Variants in KCTD16 observed in about 807,000 individuals in gnomAD.
KCTD16 encodes the protein BTB/POZ domain-containing protein KCTD16.
KCTD16 carries 13 observed loss-of-function variants against 33.2 expected under a neutral mutation model. That is an observed-to-expected ratio of 0.39 (90% CI 0.25 to 0.62). The LOEUF (loss-of-function observed/expected upper bound fraction) is 0.62. KCTD16 is among the 20% of genes least tolerant of loss of function. The pLI is 0.50. For missense variants in KCTD16, 441 were observed against 525.1 expected (o/e 0.84, Z 1.57); for synonymous variants, 197 against 195.3 (o/e 1.01, Z -0.07).
At chr5:144,275,881 T>TA (rs1437112624) in intron 3 of KCTD16, among the ~76,000 whole-genome samples, 2 of 152,302 alleles carry the variant, frequency 1.3e-5, no homozygotes, top group African/African-American at 2.4e-5. Flanking sequence ...CCCAGATTAA[T>TA]ATTCTTACAA....
intron 2 of KCTD16, among the ~76,000 whole-genome samples, chr5:144,180,984 G>C (rs1752611136): frequency 6.6e-6 from 1 of 151,220 alleles, no homozygotes; most frequent in Admixed American, 6.6e-5. Flanking sequence ...CCAGGCTGGA[G>C]TGCAGTGGCG....
chr5:144,426,347 A>G (rs1753328941), intron 3 of KCTD16, among the ~76,000 whole-genome samples: 1 of 152,072 alleles, frequency 6.6e-6, no homozygotes, highest in Non-Finnish European at 1.5e-5. Flanking sequence ...TCTGATCACG[A>G]CTACTTAAGT....
intron 2 of KCTD16, among the ~76,000 whole-genome samples, chr5:144,195,307 T>C (rs1403048126): frequency 6.6e-6 from 1 of 152,236 alleles, no homozygotes; most frequent in African/African-American, 2.4e-5. Context: ...AAGGCTTATG[T>C]TGTCCTTCAA....
At chr5:144,304,296 A>G (rs1319872737) in intron 3 of KCTD16, among the ~76,000 whole-genome samples, 2 of 152,206 alleles carry the variant, frequency 1.3e-5, no homozygotes, top group Admixed American at 1.3e-4. Context: ...GAAGTGCAGC[A>G]TGAAGCACAT....
intron 3 of KCTD16, among the ~76,000 whole-genome samples, chr5:144,314,658 T>C (rs1381416301): frequency 6.6e-6 from 1 of 152,186 alleles, no homozygotes; most frequent in Non-Finnish European, 1.5e-5. Context: ...AATCCAGCTA[T>C]GTTCTTCTCT....
chr5:144,204,780 T>G (rs1245568932), intron 2 of KCTD16, among the ~76,000 whole-genome samples: 2 of 152,184 alleles, frequency 1.3e-5, no homozygotes, highest in East Asian at 3.9e-4. Flanking sequence ...TACATATATA[T>G]TCATATTTAT....
chr5:144,254,747 A>G (rs762019805), intron 3 of KCTD16, among the ~76,000 whole-genome samples: 4 of 152,016 alleles, frequency 2.6e-5, no homozygotes, highest in Non-Finnish European at 5.9e-5. Context: ...CATACCTCAT[A>G]TAAGTGGAAG....
intron 3 of KCTD16, among the ~76,000 whole-genome samples, chr5:144,460,738 C>G (rs539142633): frequency 1.3e-5 from 2 of 152,286 alleles, no homozygotes; most frequent in East Asian, 3.9e-4. Flanking sequence ...TGCACCAGGC[C>G]CATCTTTCTT....
intron 3 of KCTD16, among the ~76,000 whole-genome samples, chr5:144,299,912 A>C (rs534901649): frequency 4.1e-5 from 6 of 147,572 alleles, no homozygotes; most frequent in East Asian, 1.9e-4. Flanking sequence ...AAAAAAAAAA[A>C]AAACAAAAAA....
chr5:144,184,510 T>A (rs1294875395), intron 2 of KCTD16, among the ~76,000 whole-genome samples: 1 of 152,172 alleles, frequency 6.6e-6, no homozygotes, highest in Non-Finnish European at 1.5e-5. Flanking sequence ...TGATTTCAAT[T>A]CTTTTGGATA....
At position 144,174,359 on chromosome 5, in the gene KCTD16, TTTTCTCCTACCG is replaced by T. The variant is rs1752458094; in HGVS notation, c.-438_-427del. The T allele has an allele frequency of 6.6e-6, 1 of 152,180 alleles. No individual in the cohort carries two copies. Among genetic ancestry groups the T allele is most frequent in the Non-Finnish European group, 1.5e-5 (1 of 68,032 alleles). The allele number at this position is 152,180 out of a possible 1,614,324, so 9.4% of individuals were successfully genotyped here. Reference sequence around the variant, plus strand: ...AAAATTATGGTTTGAACATGGGCAGTTTTCTCCTACCGTCAGCTATATCCACAAGCATCACAT... The same window carrying T: ...AAAATTATGGTTTGAACATGGGCAGTTCAGCTATATCCACAAGCATCACAT... On this transcript the variant is annotated 5_prime_UTR_variant, in exon 2 of 4. Transcript: ENST00000512467.
intron 3 of KCTD16, among the ~76,000 whole-genome samples, chr5:144,429,564 T>C (rs1000612453): frequency 2.0e-5 from 3 of 152,024 alleles, no homozygotes; most frequent in Non-Finnish European, 4.4e-5. Context: ...TCATGCAGCA[T>C]AGGGAAATGG....
At chr5:144,386,255 A>G (rs1752321358) in intron 3 of KCTD16, among the ~76,000 whole-genome samples, 3 of 152,158 alleles carry the variant, frequency 2.0e-5, no homozygotes, top group Admixed American at 1.3e-4. Context: ...TGTGTACTTC[A>G]TGCCTTCCGA....
intron 3 of KCTD16, among the ~76,000 whole-genome samples, chr5:144,281,964 G>A (rs1416576157): frequency 6.6e-6 from 1 of 152,142 alleles, no homozygotes; most frequent in Non-Finnish European, 1.5e-5. Context: ...TCTCTGGTGT[G>A]ATATTGTGAA....
At chr5:144,418,264 A>G (rs73296043) in intron 3 of KCTD16, among the ~76,000 whole-genome samples, 8,143 of 152,178 alleles carry the variant, frequency 0.054, 754 homozygotes, top group African/African-American at 0.19. Context: ...CACAGCGTGG[A>G]AGGAGACCGA....
intron 2 of KCTD16, chr5:144,205,966 G>C (rs1753158395): frequency 6.0e-6 from 1 of 165,658 alleles, no homozygotes; most frequent in Non-Finnish European, 1.3e-5. Context: ...ACTCAGTTTG[G>C]CTGTGGATTT....
chr5:144,419,658 C>T (rs1222250779), intron 3 of KCTD16, among the ~76,000 whole-genome samples: 1 of 152,158 alleles, frequency 6.6e-6, no homozygotes, highest in Admixed American at 6.6e-5. Flanking sequence ...TATAGACCAG[C>T]ACTTTCCACT....
chr5:144,444,672 C>A (rs897293790), intron 3 of KCTD16, among the ~76,000 whole-genome samples: 4 of 151,750 alleles, frequency 2.6e-5, no homozygotes, highest in African/African-American at 9.7e-5. Context: ...ACATTTTCTT[C>A]TGGCATAAAG....
chr5:144,254,459 CCTT>C (rs1383840073), intron 3 of KCTD16, among the ~76,000 whole-genome samples: 2 of 152,080 alleles, frequency 1.3e-5, no homozygotes, highest in African/African-American at 2.4e-5. Flanking sequence ...AACCAGAAGA[CCTT>C]CTTCTTCCCT....
Sources: allele counts gnomAD v4.1 joint callset (sites outside exome capture counted in the v4.1 genomes callset), GRCh38; gene constraint gnomAD v4.1.1; transcripts MANE v1.5; gene names NCBI Gene and HGNC (gene_info 2026-07-23, HGNC 2026-07-21).